Variants in SUGCT observed in about 807,000 individuals in gnomAD.
SUGCT encodes the protein succinyl-CoA:glutarate-CoA transferase.
Under a neutral mutation model 55.0 loss-of-function variants are expected in SUGCT, and 41 were observed. The ratio of observed to expected loss-of-function variants is 0.74; its 90% CI spans 0.58 to 0.97. The LOEUF (loss-of-function observed/expected upper bound fraction) is 0.97. Among genes scored for constraint, SUGCT ranks in the 50% least tolerant of loss-of-function variants. The pLI is 0.00. For synonymous variants in SUGCT, 187 were observed against 200.4 expected (o/e 0.93, Z 0.56); for missense variants, 568 against 547.8 (o/e 1.04, Z -0.37).
chr7:40,844,141 G>A (rs1301786700), intron 13 of SUGCT, among the ~76,000 whole-genome samples: 1 of 152,132 alleles, frequency 6.6e-6, no homozygotes, highest in Non-Finnish European at 1.5e-5. Context: ...TAGCTCTGCT[G>A]TCTGGGAAGG....
chr7:40,543,073 G>A (rs2151623350), intron 12 of SUGCT, among the ~76,000 whole-genome samples: 1 of 152,274 alleles, frequency 6.6e-6, no homozygotes, highest in Middle Eastern at 3.4e-3. Flanking sequence ...AACAACAAAA[G>A]CCAAAATGTC....
chr7:40,898,617 G>A, the SUGCT span, among the ~76,000 whole-genome samples: 1 of 152,010 alleles, frequency 6.6e-6, no homozygotes, highest in Non-Finnish European at 1.5e-5. Context: ...CTAGCTACGG[G>A]GGAAGCTGAG....
downstream of SUGCT, among the ~76,000 whole-genome samples, chr7:40,864,962 G>A (rs545910876): frequency 2.6e-5 from 4 of 152,012 alleles, no homozygotes; most frequent in African/African-American, 9.6e-5. Flanking sequence ...TGCAGGACAG[G>A]AAACTCTCTC....
chr7:40,201,595 T>C (rs1786606465), intron 6 of SUGCT, among the ~76,000 whole-genome samples: 1 of 152,196 alleles, frequency 6.6e-6, no homozygotes, highest in Non-Finnish European at 1.5e-5. Context: ...TACCATTTCA[T>C]ATTAAGCTCA....
chr7:40,918,637 C>T, the SUGCT span, among the ~76,000 whole-genome samples: 2 of 151,978 alleles, frequency 1.3e-5, no homozygotes, highest in Admixed American at 6.6e-5. Context: ...GCAATGGAAC[C>T]CACTGAGTGA....
intron 6 of SUGCT, among the ~76,000 whole-genome samples, chr7:40,205,640 CAAA>C (rs67396482): frequency 1.3e-5 from 1 of 77,462 alleles, no homozygotes. Context: ...AACTTCATCT[CAAA>C]AAAAAAAAAA....
chr7:40,326,123 A>C (rs1562682912), intron 9 of SUGCT, among the ~76,000 whole-genome samples: 1 of 152,070 alleles, frequency 6.6e-6, no homozygotes, highest in Non-Finnish European at 1.5e-5. Context: ...ACCAATTAAA[A>C]CATAATTTCT....
chr7:40,199,814 G>T (rs1786491790), intron 6 of SUGCT, among the ~76,000 whole-genome samples: 1 of 150,716 alleles, frequency 6.6e-6, no homozygotes, highest in African/African-American at 2.4e-5. Flanking sequence ...TTTAAAGGAA[G>T]AGGGTTTGAA....
chr7:40,452,637 C>A (rs946598745), intron 10 of SUGCT, among the ~76,000 whole-genome samples: 2 of 152,168 alleles, frequency 1.3e-5, no homozygotes, highest in African/African-American at 4.8e-5. Flanking sequence ...TTCTAAGCAT[C>A]TGTTTTCCTA....
intron 12 of SUGCT, among the ~76,000 whole-genome samples, chr7:40,530,518 A>G (rs1271659988): frequency 3.9e-5 from 6 of 152,216 alleles, no homozygotes; most frequent in African/African-American, 1.4e-4. Flanking sequence ...GTGTGTCAGT[A>G]TGCATGTTTC....
At chr7:40,465,124 A>C (rs9655411) in intron 11 of SUGCT, among the ~76,000 whole-genome samples, 8 of 152,130 alleles carry the variant, frequency 5.3e-5, no homozygotes, top group Admixed American at 4.6e-4. Context: ...TACTGTGGCA[A>C]TTCCTTTAGT....
At chr7:40,611,821 A>G (rs546882357) in intron 12 of SUGCT, among the ~76,000 whole-genome samples, 10 of 152,232 alleles carry the variant, frequency 6.6e-5, no homozygotes, top group Non-Finnish European at 1.3e-4. Context: ...AAACTGAGAC[A>G]TAGACAGGTT....
chr7:40,486,629 T>G lies in SUGCT; in HGVS notation c.987-9655T>G, dbSNP rs574027323. On this transcript the variant is annotated intron_variant, in intron 11 of 13. Transcript: ENST00000335693. ...CTGCTATAAACTTCCCTCTTAGTAC[T>G]GCTTTTGCTGTGTTTCATAGGTTTT... 2.0e-5 allele frequency among the ~76,000 whole-genome samples: 3 copies of G among 152,186 alleles called. No homozygotes were observed. The East Asian group carries it at 5.8e-4, about 29-fold the overall frequency.
At chr7:40,218,443 C>T (rs1422563910) in intron 6 of SUGCT, among the ~76,000 whole-genome samples, 1 of 152,162 alleles carries the variant, frequency 6.6e-6, no homozygotes, top group Non-Finnish European at 1.5e-5. Flanking sequence ...GTGACATTGT[C>T]TCTTTGGGAC....
chr7:40,714,956 C>A (rs1785939918), intron 12 of SUGCT, among the ~76,000 whole-genome samples: 1 of 152,156 alleles, frequency 6.6e-6, no homozygotes, highest in African/African-American at 2.4e-5. Context: ...ATATGTAATT[C>A]ATACTGAAGT....
chr7:40,875,354 T>C, the SUGCT span, among the ~76,000 whole-genome samples: 1 of 152,222 alleles, frequency 6.6e-6, no homozygotes, highest in Non-Finnish European at 1.5e-5. Context: ...CATGTTAGTG[T>C]AGTTCCATAT....
intron 13 of SUGCT, among the ~76,000 whole-genome samples, chr7:40,845,625 A>C (rs956153240): frequency 6.6e-6 from 1 of 152,204 alleles, no homozygotes; most frequent in Non-Finnish European, 1.5e-5. Flanking sequence ...CCAAAATTCA[A>C]ATAGGGGCAT....
intron 13 of SUGCT, among the ~76,000 whole-genome samples, chr7:40,838,387 T>G (rs1216049348): frequency 1.3e-5 from 2 of 152,218 alleles, no homozygotes; most frequent in African/African-American, 4.8e-5. Flanking sequence ...ATTTTCAAAT[T>G]TATGAACACA....
chr7:40,170,051 C>T (rs1487032471), intron 1 of SUGCT, among the ~76,000 whole-genome samples: 1 of 152,134 alleles, frequency 6.6e-6, no homozygotes, highest in East Asian at 1.9e-4. Context: ...TAGGCTTCTT[C>T]CTAATTTTCC....
Sources: allele counts gnomAD v4.1 joint callset (sites outside exome capture counted in the v4.1 genomes callset), GRCh38; gene constraint gnomAD v4.1.1; transcripts MANE v1.5; gene names NCBI Gene and HGNC (gene_info 2026-07-23, HGNC 2026-07-21).